The following SPMIP3 variants were observed in gnomAD, a reference collection of about 807,000 sequenced individuals.
SPMIP3 encodes protein SPMIP3.
At chr1:244,378,764 A>ATGTG in the SPMIP3 span, 1 of 1,044,012 alleles carries the variant, frequency 9.6e-7, no homozygotes, top group East Asian at 2.5e-5. Context: ...AGGCATGGAT[A>ATGTG]TGTGTGTGTG....
the SPMIP3 span, among the ~76,000 whole-genome samples, chr1:244,387,135 T>C: frequency 3.0e-4 from 46 of 152,224 alleles, no homozygotes; most frequent in African/African-American, 1.1e-3. Flanking sequence ...AAACCCCATC[T>C]CTACTAAAAT....
At chr1:244,367,774 C>A in the SPMIP3 span, among the ~76,000 whole-genome samples, 1 of 151,964 alleles carries the variant, frequency 6.6e-6, no homozygotes, top group Non-Finnish European at 1.5e-5. Context: ...TTTCCATTTT[C>A]CCCAGATAAG....
At chr1:244,380,011 G>C in the SPMIP3 span, among the ~76,000 whole-genome samples, 2 of 151,926 alleles carry the variant, frequency 1.3e-5, no homozygotes, top group Admixed American at 1.3e-4. Context: ...CGACGTATAG[G>C]ACCTTGGGGG....
At chr1:244,369,487 A>G in the SPMIP3 span, among the ~76,000 whole-genome samples, 5 of 152,212 alleles carry the variant, frequency 3.3e-5, no homozygotes, top group African/African-American at 1.2e-4. Context: ...TCATTGCCAC[A>G]CGCCAAAGAA....
the SPMIP3 span, chr1:244,364,617 A>G: frequency 8.0e-7 from 1 of 1,243,604 alleles, no homozygotes; most frequent in Non-Finnish European, 1.2e-6. Flanking sequence ...ACTTTGTGGT[A>G]CTAGATATCT....
the SPMIP3 span, among the ~76,000 whole-genome samples, chr1:244,371,352 G>C: frequency 6.6e-6 from 1 of 152,190 alleles, no homozygotes; most frequent in Non-Finnish European, 1.5e-5. Context: ...GTCCGCACGT[G>C]CTTTCACAAT....
the SPMIP3 span, among the ~76,000 whole-genome samples, chr1:244,366,349 T>C: frequency 1.3e-5 from 2 of 152,116 alleles, no homozygotes; most frequent in African/African-American, 4.8e-5. Flanking sequence ...AAATTTTTTG[T>C]AGAGACCAGG....
chr1:244,360,779 G>A, the SPMIP3 span, among the ~76,000 whole-genome samples: 1 of 151,870 alleles, frequency 6.6e-6, no homozygotes, highest in African/African-American at 2.4e-5. Flanking sequence ...AGCTACTCAG[G>A]AGGCTAAGGC....
At chr1:244,381,135 C>T in the SPMIP3 span, among the ~76,000 whole-genome samples, 3 of 151,678 alleles carry the variant, frequency 2.0e-5, no homozygotes, top group African/African-American at 7.3e-5. Flanking sequence ...TAGCTTGACA[C>T]GGGTTAGGGC....
At chr1:244,359,237 T>C in the SPMIP3 span, among the ~76,000 whole-genome samples, 33 of 152,080 alleles carry the variant, frequency 2.2e-4, no homozygotes, top group African/African-American at 7.7e-4. Context: ...CCTCTGATTA[T>C]TGTAGGAGCA....
chr1:244,375,767 C>A, the SPMIP3 span, among the ~76,000 whole-genome samples: 1 of 152,040 alleles, frequency 6.6e-6, no homozygotes, highest in Non-Finnish European at 1.5e-5. Context: ...CAGGTTCGAG[C>A]AATTCTCATG....
the SPMIP3 span, among the ~76,000 whole-genome samples, chr1:244,354,281 A>G: frequency 6.6e-6 from 1 of 151,998 alleles, no homozygotes; most frequent in Non-Finnish European, 1.5e-5. Context: ...ATTGGGGCCC[A>G]TAAGTTGATT....
At chr1:244,360,715 T>C in the SPMIP3 span, among the ~76,000 whole-genome samples, 1 of 151,920 alleles carries the variant, frequency 6.6e-6, no homozygotes, top group Admixed American at 6.6e-5. Context: ...TGAAACCCCA[T>C]CTCTACAAAA....
chr1:244,376,622 C>T, the SPMIP3 span, among the ~76,000 whole-genome samples: 2 of 152,050 alleles, frequency 1.3e-5, no homozygotes, highest in African/African-American at 2.4e-5. Context: ...ATGGGTATTT[C>T]GAAACCTTTT....
At chr1:244,379,964 C>CA in the SPMIP3 span, among the ~76,000 whole-genome samples, 91 of 145,802 alleles carry the variant, frequency 6.2e-4, no homozygotes, top group Non-Finnish European at 3.8e-4. Context: ...GCAAAACTGT[C>CA]AAAAAAAAAA....
the SPMIP3 span, among the ~76,000 whole-genome samples, chr1:244,361,293 G>A: frequency 2.2e-5 from 3 of 137,984 alleles, no homozygotes; most frequent in Non-Finnish European, 3.0e-5. Flanking sequence ...GCTGTGGCTC[G>A]ATCTCGGCTC....
chr1:244,368,317 C>T, the SPMIP3 span, among the ~76,000 whole-genome samples: 3 of 152,172 alleles, frequency 2.0e-5, no homozygotes, highest in Non-Finnish European at 2.9e-5. Context: ...TAATGGTAAA[C>T]ACTTCTGAAG....
At chr1:244,386,936 C>A in the SPMIP3 span, among the ~76,000 whole-genome samples, 3 of 152,216 alleles carry the variant, frequency 2.0e-5, no homozygotes, top group African/African-American at 7.2e-5. Flanking sequence ...ATGGCAATAT[C>A]AGTGTACAAC....
At chr1:244,360,002 G>A in the SPMIP3 span, among the ~76,000 whole-genome samples, 6 of 151,818 alleles carry the variant, frequency 4.0e-5, no homozygotes, top group Admixed American at 6.6e-5. Context: ...CCAGCTACTC[G>A]GGAGGCTGAG....
Sources: gnomAD v4.1 joint callset for allele counts (sites outside exome capture counted in the v4.1 genomes callset) on GRCh38, gnomAD v4.1.1 for gene constraint, MANE v1.5 for transcripts, NCBI Gene and HGNC (gene_info 2026-07-23, HGNC 2026-07-21) for gene names.